IKZF2: variants seen among roughly 807,000 people sequenced by gnomAD.
IKZF2 encodes zinc finger protein Helios.
Under a neutral mutation model 49.2 loss-of-function variants are expected in IKZF2, and 15 were observed. The observed-to-expected ratio is 0.30, with a 90% confidence interval of 0.20 to 0.47. The LOEUF (loss-of-function observed/expected upper bound fraction) is 0.47. IKZF2 is among the 20% of genes least tolerant of loss of function. IKZF2 has a pLI of 1.00. For missense variants in IKZF2, 567 were observed against 664.6 expected (o/e 0.85, Z 1.61); for synonymous variants, 227 against 221.4 (o/e 1.03, Z -0.23).
intron 6 of IKZF2, among the ~76,000 whole-genome samples, chr2:213,025,117 T>C (rs1205724268): frequency 6.6e-6 from 1 of 152,130 alleles, no homozygotes; most frequent in African/African-American, 2.4e-5. Context: ...TCCTAATCTC[T>C]TGGCCACTAT....
rs1276504597 is a variant in IKZF2 at position 213,000,642 on chromosome 2, T to G, written c.*6718A>C. 3 of 150,722 alleles carry G rather than the reference T, an allele frequency of 2.0e-5. No homozygotes were observed. Among genetic ancestry groups the G allele is most frequent in the African/African-American group, 7.3e-5 (3 of 41,146 alleles). 9.3% of individuals were successfully genotyped at this position (150,722 alleles called of 1,614,324 possible). A position where few individuals can be genotyped will look rare whatever the true frequency, so the allele number is the denominator to read the frequency against. ...AAATATGTATAAGAAAAATACCTCT[T>G]ACTTAAATTTGTATGAAAACAGGAC... On this transcript the variant is annotated 3_prime_UTR_variant, in exon 9 of 9. Transcript: ENST00000434687.
chr2:213,041,598 G>A (rs541745462), intron 6 of IKZF2, among the ~76,000 whole-genome samples: 6 of 152,084 alleles, frequency 3.9e-5, no homozygotes, highest in East Asian at 1.9e-4. Context: ...CACCGTGCCC[G>A]GCCACAACTT....
chr2:213,079,909 C>A (rs1391685440), intron 4 of IKZF2, among the ~76,000 whole-genome samples: 2 of 152,282 alleles, frequency 1.3e-5, no homozygotes, highest in African/African-American at 4.8e-5. Flanking sequence ...CACCTGCCCC[C>A]AATCAAAATT....
At chr2:213,095,023 G>A (rs1015316798) in intron 4 of IKZF2, among the ~76,000 whole-genome samples, 2 of 152,094 alleles carry the variant, frequency 1.3e-5, no homozygotes, top group Non-Finnish European at 2.9e-5. Flanking sequence ...TTATTGACTT[G>A]AAAATGTTAT....
At chr2:213,041,203 C>T (rs1307448461) in intron 6 of IKZF2, among the ~76,000 whole-genome samples, 1 of 151,946 alleles carries the variant, frequency 6.6e-6, no homozygotes, top group African/African-American at 2.4e-5. Flanking sequence ...CTCAAGATTA[C>T]TGAATAGCAA....
At chr2:213,008,141 A>C in intron 8 of IKZF2, 57 bp from the exon 9 acceptor site, 1 of 1,479,866 alleles carries the variant, frequency 6.8e-7, no homozygotes. Flanking sequence ...CAACAACATT[A>C]GTATCAGATT....
chr2:213,031,971 C>T (rs544015507), intron 6 of IKZF2, among the ~76,000 whole-genome samples: 101 of 152,196 alleles, frequency 6.6e-4, no homozygotes, highest in Non-Finnish European at 2.6e-4. Flanking sequence ...TAACATAAGT[C>T]ATTTAACAGA....
chr2:213,022,006 G>A lies in IKZF2; in HGVS notation c.699C>T (p.Val233=), dbSNP rs755465701. 4 of 1,612,274 alleles carry A rather than the reference G, an allele frequency of 2.5e-6. No individual in the cohort carries two copies. The Admixed American group carries it at 5.0e-5, about 20-fold the overall frequency. ...GTTTCTACCCACCATGGTGACTCAT[G>A]ACCTGCCCAGCAGCCTCCATGCTGA... ...QNVSMEAAGQ[V]MSHHVPPMED... Residue 233 remains valine (V), a synonymous_variant, in exon 7 of 9, where the codon GTC becomes GTT. Transcript: ENST00000434687.
rs1388872248 is a variant in IKZF2, at chr2:213,003,946, A to G, written c.*3414T>C. ...ATTGTTTGTTTCACTTTGTTCTGTA[A>G]GTAGATAATAAGGACCCAAAGTTTT... On this transcript the variant is annotated 3_prime_UTR_variant, in exon 9 of 9. Coordinates refer to ENST00000434687, the MANE Select transcript of IKZF2 (RefSeq NM_001387220.1). 6.6e-6 allele frequency: 1 copy of G among 151,834 alleles called. No individual in the cohort carries two copies. The highest frequency in any genetic ancestry group is 1.5e-5 in the Non-Finnish European group (1 of 67,836). 9.4% of individuals were successfully genotyped at this position (151,834 alleles called of 1,614,324 possible).
At chr2:213,059,332 T>C (rs1348420154) in intron 4 of IKZF2, among the ~76,000 whole-genome samples, 1 of 151,714 alleles carries the variant, frequency 6.6e-6, no homozygotes, top group African/African-American at 2.4e-5. Context: ...TTTTTTGGCA[T>C]ATATGCTAAT....
At chr2:213,152,104 C>T (rs1429570271), upstream of IKZF2, 1 of 152,312 alleles carries the variant, frequency 6.6e-6, no homozygotes, top group East Asian at 1.9e-4. Flanking sequence ...ATCTCCCCTC[C>T]CCGTGTCATA....
chr2:213,020,950 C>T (rs1443620198), intron 7 of IKZF2, among the ~76,000 whole-genome samples: 1 of 152,180 alleles, frequency 6.6e-6, no homozygotes, highest in Admixed American at 6.5e-5. Flanking sequence ...CAATGGTTCA[C>T]ACCTGTAATC....
At chr2:213,146,094 G>T (rs2061048026) in intron 4 of IKZF2, among the ~76,000 whole-genome samples, 2 of 152,046 alleles carry the variant, frequency 1.3e-5, no homozygotes, top group African/African-American at 4.8e-5. Flanking sequence ...TCAAGTCTCT[G>T]ATTAACAGTT....
At chr2:213,112,120 T>G (rs2059722674) in intron 4 of IKZF2, among the ~76,000 whole-genome samples, 1 of 152,068 alleles carries the variant, frequency 6.6e-6, no homozygotes, top group African/African-American at 2.4e-5. Flanking sequence ...AATTACAGTT[T>G]CATTGGTTAA....
intron 6 of IKZF2, among the ~76,000 whole-genome samples, chr2:213,025,618 A>C (rs1373341446): frequency 6.6e-6 from 1 of 152,166 alleles, no homozygotes; most frequent in Admixed American, 6.6e-5. Context: ...CACAGGAGAC[A>C]ATATATATTT....
In IKZF2 at chr2:213,005,785, C is replaced by A. The variant is rs2124984217; in HGVS notation, c.*1575G>T. On this transcript the variant is annotated 3_prime_UTR_variant, in exon 9 of 9. Transcript: ENST00000434687. ...ACTCGGTTCCTCCCCTCTAATGTGG[C>A]TGGACTGCAAAGAAAAAACAGAGCG... 6.6e-6 allele frequency: 1 copy of A among 152,064 alleles called. No individual in the cohort carries two copies. Among genetic ancestry groups the A allele is most frequent in the Non-Finnish European group, 1.5e-5 (1 of 67,956 alleles). 9.4% of individuals were successfully genotyped at this position (152,064 alleles called of 1,614,324 possible).
At chr2:213,023,318 T>C (rs1261198539) in intron 6 of IKZF2, among the ~76,000 whole-genome samples, 1 of 152,232 alleles carries the variant, frequency 6.6e-6, no homozygotes, top group South Asian at 2.1e-4. Flanking sequence ...AGTTTCACTG[T>C]ACTGATGAAA....
At chr2:213,144,611 A>T (rs964639513) in intron 4 of IKZF2, among the ~76,000 whole-genome samples, 1 of 151,914 alleles carries the variant, frequency 6.6e-6, no homozygotes, top group Non-Finnish European at 1.5e-5. Flanking sequence ...TAAGTCCCAG[A>T]TTCTATTTTT....
chr2:213,114,875 G>T (rs2125794339), intron 4 of IKZF2, among the ~76,000 whole-genome samples: 1 of 151,096 alleles, frequency 6.6e-6, no homozygotes, highest in South Asian at 2.1e-4. Context: ...ACTGTAGTGA[G>T]CCCAGATGGT....
Sources: allele counts gnomAD v4.1 joint callset (sites outside exome capture counted in the v4.1 genomes callset), GRCh38; gene constraint gnomAD v4.1.1; transcripts MANE v1.5; gene names NCBI Gene and HGNC (gene_info 2026-07-23, HGNC 2026-07-21).